PTPN4: variants seen among roughly 807,000 people sequenced by gnomAD.
PTPN4 encodes tyrosine-protein phosphatase non-receptor type 4.
In PTPN4, 49 loss-of-function variants were observed where a neutral mutation model predicts 135.5. That is an observed-to-expected ratio of 0.36 (90% CI 0.29 to 0.46). PTPN4 has a LOEUF of 0.46. Among genes scored for constraint, PTPN4 ranks in the 20% least tolerant of loss-of-function variants. PTPN4 has a pLI of 1.00. For synonymous variants in PTPN4, 333 were observed against 369.9 expected (o/e 0.90, Z 1.14); for missense variants, 860 against 1,101.0 (o/e 0.78, Z 3.10).
intron 22 of PTPN4, among the ~76,000 whole-genome samples, chr2:119,958,580 G>A (rs1405711931): frequency 6.6e-6 from 1 of 152,094 alleles, no homozygotes; most frequent in Non-Finnish European, 1.5e-5. Flanking sequence ...TATGTCAGTT[G>A]AGTTAATTCT....
chr2:119,854,003 GGAAAACCCT>G lies in PTPN4; in HGVS notation c.139-8530_139-8522del, dbSNP rs537776280. Reference sequence around the variant, plus strand: ...GAGGGAGCGGGGCTCTGAACGAAGAGGAAAACCCTGAGTGCACCAGAAAACAGTCTGTTA... The same window carrying G: ...GAGGGAGCGGGGCTCTGAACGAAGAGGAGTGCACCAGAAAACAGTCTGTTA... On this transcript the variant is annotated intron_variant, in intron 2 of 26. Coordinates refer to ENST00000263708, the MANE Select transcript of PTPN4 (RefSeq NM_002830.4). Among the ~76,000 whole-genome samples, 27 of 152,042 alleles carry G rather than the reference GGAAAACCCT, an allele frequency of 1.8e-4. 1 individual carries two copies. The South Asian group carries it at 5.6e-3, about 31-fold the overall frequency.
intron 20 of PTPN4, 76 bp from the exon 21 acceptor site, chr2:119,956,768 A>G: frequency 1.3e-6 from 2 of 1,572,924 alleles, no homozygotes; most frequent in Non-Finnish European, 1.7e-6. Flanking sequence ...CTGTTAGTGT[A>G]GAAACAAGTC....
intron 10 of PTPN4, among the ~76,000 whole-genome samples, chr2:119,909,685 C>T (rs1207060565): frequency 6.6e-6 from 1 of 152,018 alleles, no homozygotes; most frequent in Non-Finnish European, 1.5e-5. Context: ...AAGTTGAAAA[C>T]CTTTTGGAAA....
At chr2:119,793,602 G>A (rs1261463017) in intron 1 of PTPN4, among the ~76,000 whole-genome samples, 3 of 152,154 alleles carry the variant, frequency 2.0e-5, no homozygotes, top group Non-Finnish European at 2.9e-5. Flanking sequence ...ATAAATGTCC[G>A]TGAAGTCATC....
chr2:119,838,956 A>G (rs1041384560), intron 2 of PTPN4, among the ~76,000 whole-genome samples: 3 of 152,272 alleles, frequency 2.0e-5, no homozygotes, highest in Non-Finnish European at 2.9e-5. Flanking sequence ...TCTTTCTTAC[A>G]GTTAAGTGTT....
At chr2:119,911,731 A>G (rs189848004) in intron 10 of PTPN4, among the ~76,000 whole-genome samples, 3 of 152,164 alleles carry the variant, frequency 2.0e-5, no homozygotes, top group African/African-American at 7.2e-5. Flanking sequence ...GTAGATAAGA[A>G]TATATATATA....
chr2:119,782,349 G>T (rs925633549), intron 1 of PTPN4, among the ~76,000 whole-genome samples: 1 of 152,080 alleles, frequency 6.6e-6, no homozygotes, highest in Admixed American at 6.5e-5. Context: ...AACCTGGGAG[G>T]CAGAGGTTGC....
intron 3 of PTPN4, among the ~76,000 whole-genome samples, chr2:119,872,538 A>G (rs1374907511): frequency 2.0e-5 from 3 of 152,168 alleles, no homozygotes; most frequent in South Asian, 4.1e-4. Context: ...CACTCCCGTC[A>G]CATCTTTTAC....
intron 2 of PTPN4, among the ~76,000 whole-genome samples, chr2:119,847,328 A>ATTTTTTTT (rs150876390): frequency 1.9e-5 from 2 of 102,732 alleles, no homozygotes; most frequent in African/African-American, 8.7e-5. Flanking sequence ...ATATATATAT[A>ATTTTTTTT]TTTTTTTTTT....
In PTPN4 at chr2:119,809,928, G is replaced by C; in HGVS notation, c.75G>C (p.Gln25His). ...CATCAGAGTTGGCCCGAGACAGACAGCATACTGAAGTGGTTTGCAACATCC... is the reference window on the plus strand; with the variant it reads ...CATCAGAGTTGGCCCGAGACAGACACCATACTGAAGTGGTTTGCAACATCC... ...VRASELARDR[Q>H]HTEVVCNILL... The change falls in exon 2 of 27, where the codon CAG becomes CAC. Residue 25 changes from glutamine to histidine, a missense_variant. Physicochemically the swap from Gln to His is conservative, Grantham distance 24. Around this residue, in one of 2 missense-constraint regions of PTPN4, gnomAD observed 684 missense variants for 807.0 expected, o/e 0.85. Coordinates refer to ENST00000263708, the MANE Select transcript of PTPN4 (RefSeq NM_002830.4). 1 of 1,613,488 alleles carries C rather than the reference G, an allele frequency of 6.2e-7. No individual in the cohort carries two copies. Among genetic ancestry groups the C allele is most frequent in the Non-Finnish European group, 8.5e-7 (1 of 1,179,700 alleles).
chr2:119,894,058 C>A (rs1678282188), intron 9 of PTPN4, among the ~76,000 whole-genome samples: 1 of 152,156 alleles, frequency 6.6e-6, no homozygotes, highest in South Asian at 2.1e-4. Context: ...ATCCTTACAA[C>A]AGCCTTGTGA....
At chr2:119,874,676 T>C (rs1397467589) in intron 3 of PTPN4, among the ~76,000 whole-genome samples, 1 of 152,160 alleles carries the variant, frequency 6.6e-6, no homozygotes, top group African/African-American at 2.4e-5. Context: ...GATGGAAATA[T>C]TCTGGAATTA....
intron 13 of PTPN4, among the ~76,000 whole-genome samples, chr2:119,928,677 C>T (rs1046410965): frequency 3.9e-5 from 6 of 151,944 alleles, no homozygotes; most frequent in Non-Finnish European, 7.4e-5. Flanking sequence ...TTTTAAAAAA[C>T]GAATAACATT....
chr2:119,821,981 CTTTT>C (rs928850637), intron 2 of PTPN4, among the ~76,000 whole-genome samples: 3 of 148,758 alleles, frequency 2.0e-5, no homozygotes, highest in Non-Finnish European at 4.5e-5. Context: ...TTCCTTTTCA[CTTTT>C]TTTTTTGCTT....
At chr2:119,942,477 G>C (rs1327768077) in intron 15 of PTPN4, among the ~76,000 whole-genome samples, 4 of 152,136 alleles carry the variant, frequency 2.6e-5, no homozygotes, top group Non-Finnish European at 5.9e-5. Context: ...ATTTTCATAT[G>C]TTCTCCACCT....
intron 1 of PTPN4, among the ~76,000 whole-genome samples, chr2:119,795,645 AG>A (rs559081136): frequency 1.3e-5 from 2 of 152,222 alleles, no homozygotes; most frequent in African/African-American, 4.8e-5. Context: ...TGTGAGGGCA[AG>A]GGGGGGCCTT....
chr2:119,884,854 C>T (rs1678132615), intron 8 of PTPN4, among the ~76,000 whole-genome samples: 1 of 151,918 alleles, frequency 6.6e-6, no homozygotes, highest in South Asian at 2.1e-4. Flanking sequence ...GCTGTTGGCT[C>T]CCTTTTCTAG....
intron 3 of PTPN4, among the ~76,000 whole-genome samples, chr2:119,876,424 T>C (rs1677984071): frequency 6.6e-6 from 1 of 152,128 alleles, no homozygotes; most frequent in Non-Finnish European, 1.5e-5. Context: ...GTGTTGGATG[T>C]TATGGACAGT....
At chr2:119,915,320 A>T in intron 11 of PTPN4, 78 bp downstream of exon 11, 1 of 1,217,738 alleles carries the variant, frequency 8.2e-7, no homozygotes, top group African/African-American at 1.6e-5. Context: ...CTTTTCTATT[A>T]TTAGTACAAG....
Sources: gnomAD v4.1 joint callset for allele counts (sites outside exome capture counted in the v4.1 genomes callset) on GRCh38, gnomAD v4.1.1 for gene constraint, gnomAD v4.1.1 regional missense constraint, MANE v1.5 for transcripts, NCBI Gene and HGNC (gene_info 2026-07-23, HGNC 2026-07-21) for gene names.